CREBRF: variants seen among roughly 807,000 people sequenced by gnomAD.
CREBRF encodes the protein CREB3 regulatory factor.
A neutral mutation model predicts 66.1 loss-of-function variants in CREBRF; 5 were observed. The ratio of observed to expected loss-of-function variants is 0.08; its 90% CI spans 0.04 to 0.16. The LOEUF (loss-of-function observed/expected upper bound fraction) is 0.16. Among genes scored for constraint, CREBRF ranks in the 10% least tolerant of loss-of-function variants. CREBRF has a pLI of 1.00. For synonymous variants in CREBRF, 229 were observed against 264.4 expected, an observed-to-expected ratio of 0.87 and a Z score of 1.30; for missense variants, 531 against 744.9, an observed-to-expected ratio of 0.71 and a Z score of 3.34.
At chr5:173,086,058 G>T in intron 2 of CREBRF, 2 of 935,898 alleles carry the variant, frequency 2.1e-6, no homozygotes, top group Non-Finnish European at 3.6e-6. Context: ...AAATCCAAGA[G>T]TGTATGGTTC....
chr5:173,077,854 C>G (rs2113700306), intron 1 of CREBRF, among the ~76,000 whole-genome samples: 1 of 152,184 alleles, frequency 6.6e-6, no homozygotes, highest in Admixed American at 6.5e-5. Flanking sequence ...TTTTACTTAC[C>G]ATAATGTTTT....
intron 1 of CREBRF, among the ~76,000 whole-genome samples, chr5:173,080,148 T>C (rs1303625604): frequency 6.6e-6 from 1 of 151,810 alleles, no homozygotes; most frequent in East Asian, 1.9e-4. Flanking sequence ...TTCATTACTC[T>C]TCTGTTGACT....
intron 7 of CREBRF, among the ~76,000 whole-genome samples, chr5:173,120,868 A>C (rs1759124144): frequency 6.7e-6 from 1 of 148,650 alleles, no homozygotes; most frequent in East Asian, 2.0e-4. Context: ...TAATTTTTAT[A>C]TTTTATTAGA....
At chr5:173,061,031 G>A (rs750901204) in intron 1 of CREBRF, among the ~76,000 whole-genome samples, 17 of 152,072 alleles carry the variant, frequency 1.1e-4, no homozygotes, top group Non-Finnish European at 2.1e-4. Flanking sequence ...GCAGTGGCAC[G>A]ATCTCGGCTC....
chr5:173,086,705 C>T, intron 3 of CREBRF, 79 bp downstream of exon 3: 2 of 1,313,378 alleles, frequency 1.5e-6, no homozygotes, highest in Non-Finnish European at 2.1e-6. Flanking sequence ...TTATAAATGC[C>T]TGAAAAAAAA....
rs756069118 is a variant in CREBRF at position 173,123,166 on chromosome 5, G to C, written c.1768G>C (p.Gly590Arg). Residue 590 changes from glycine to arginine, a missense_variant, in exon 8 of 9, where the codon GGG becomes CGG. By Grantham distance (125) the Gly-to-Arg change is moderately radical. Transcript: ENST00000296953. ...AAGAGATGAGAGAGGACCCAACATG[G>C]GGCAGAAGCTTGAAATCCTCATTAA... ...NPRDERGPNMGQKLEILIKDT... is the reference protein window; with the variant it reads ...NPRDERGPNMRQKLEILIKDT... 6.2e-6 allele frequency: 10 copies of C among 1,601,420 alleles called. No individual in the cohort carries two copies. The East Asian group carries it at 2.2e-4, about 36-fold the overall frequency.
At chr5:173,065,540 C>A (rs747886522) in intron 1 of CREBRF, among the ~76,000 whole-genome samples, 1 of 152,120 alleles carries the variant, frequency 6.6e-6, no homozygotes, top group East Asian at 1.9e-4. Context: ...TGTGTTGGTA[C>A]TAAAGTACCT....
intron 4 of CREBRF, among the ~76,000 whole-genome samples, chr5:173,101,595 C>T (rs889774151): frequency 6.6e-6 from 1 of 151,998 alleles, no homozygotes; most frequent in East Asian, 1.9e-4. Flanking sequence ...CTCTGTCGCC[C>T]AGGCTGGAGT....
intron 7 of CREBRF, among the ~76,000 whole-genome samples, chr5:173,121,470 C>T (rs1447574979): frequency 6.6e-6 from 1 of 151,754 alleles, no homozygotes; most frequent in Non-Finnish European, 1.5e-5. Context: ...CTACAGGCAC[C>T]TGCCACCACG....
At chr5:173,060,276 G>A (rs1757229694) in intron 1 of CREBRF, 2 of 149,996 alleles carry the variant, frequency 1.3e-5, no homozygotes, top group African/African-American at 2.5e-5. Context: ...CGTTGCCCAG[G>A]TTGGAGTCCG....
intron 1 of CREBRF, among the ~76,000 whole-genome samples, chr5:173,077,598 G>C (rs974546038): frequency 6.6e-6 from 1 of 152,068 alleles, no homozygotes; most frequent in Non-Finnish European, 1.5e-5. Context: ...TCACCATGTT[G>C]GCCAGGCTGG....
chr5:173,056,629 G>T (rs959809494), intron 1 of CREBRF, 150 bp downstream of exon 1: 2 of 386,804 alleles, frequency 5.2e-6, no homozygotes, highest in Non-Finnish European at 9.1e-6. Context: ...CCACGGCCGA[G>T]TGCTAGGGCG....
intron 8 of CREBRF, among the ~76,000 whole-genome samples, chr5:173,127,528 C>T (rs1197563007): frequency 6.6e-5 from 10 of 150,626 alleles, no homozygotes; most frequent in African/African-American, 9.8e-5. Flanking sequence ...TGCACGATCT[C>T]GGCTTACTGC....
intron 1 of CREBRF, among the ~76,000 whole-genome samples, chr5:173,079,767 C>T (rs543696559): frequency 1.3e-5 from 2 of 152,120 alleles, no homozygotes; most frequent in African/African-American, 4.8e-5. Context: ...TACTGCTGAT[C>T]CTTGGATCAT....
At chr5:173,127,911 T>C (rs901547795) in intron 8 of CREBRF, among the ~76,000 whole-genome samples, 2 of 152,230 alleles carry the variant, frequency 1.3e-5, no homozygotes, top group Non-Finnish European at 2.9e-5. Flanking sequence ...TTTTGATTTC[T>C]TCTATATCTG....
Position 173,082,908 on chromosome 5 carries a change from CAAAAAAAAAAAAAAAAAA to C in CREBRF, c.9+2145_9+2162del, listed in dbSNP as rs70984937. On this transcript the variant is annotated intron_variant, in intron 2 of 8. Transcript: ENST00000296953. ...TGAGCGACGGAGCGAGACTCTGTCT[CAAAAAAAAAAAAAAAAAA>C]AAAAAAAAAAAAAAAAAAAACCGGG... is the stretch of plus-strand genomic sequence containing the variant. Among the ~76,000 whole-genome samples the C allele has an allele frequency of 1.2e-3, 34 of 29,014 alleles. 1 individual carries two copies. In the South Asian group the frequency reaches 0.042, roughly 36 times the overall value. The allele number at this position is 29,014 out of a possible 152,430, so 19.0% of individuals were successfully genotyped here. A position where few individuals can be genotyped will look rare whatever the true frequency, so the allele number is the denominator to read the frequency against.
At chr5:173,128,427 G>A (rs1423094938) in intron 8 of CREBRF, among the ~76,000 whole-genome samples, 1 of 151,188 alleles carries the variant, frequency 6.6e-6, no homozygotes, top group Non-Finnish European at 1.5e-5. Context: ...CCCACATATC[G>A]ACTAGGTATT....
At chr5:173,122,705 G>A (rs540622729) in intron 7 of CREBRF, among the ~76,000 whole-genome samples, 131 of 142,942 alleles carry the variant, frequency 9.2e-4, no homozygotes, top group Non-Finnish European at 9.1e-4. Context: ...CCATTAACTC[G>A]TCATTTAGCA....
intron 2 of CREBRF, among the ~76,000 whole-genome samples, chr5:173,082,945 A>AAAAC (rs1561799554): frequency 1.6e-5 from 2 of 122,652 alleles, no homozygotes; most frequent in East Asian, 4.6e-4. Context: ...AAAAAAAAAA[A>AAAAC]ACCGGGTGCA....
Sources: allele counts gnomAD v4.1 joint callset (sites outside exome capture counted in the v4.1 genomes callset), GRCh38; gene constraint gnomAD v4.1.1; transcripts MANE v1.5; gene names NCBI Gene and HGNC (gene_info 2026-07-23, HGNC 2026-07-21).